The following ANXA8 variants were observed in gnomAD, a reference collection of about 807,000 sequenced individuals.
ANXA8 encodes the protein VAC-beta.
ANXA8 carries 9 observed loss-of-function variants against 26.8 expected under a neutral mutation model. The ratio of observed to expected loss-of-function variants is 0.34; its 90% CI spans 0.20 to 0.59. The LOEUF (loss-of-function observed/expected upper bound fraction) is 0.59, where lower values mean the gene tolerates loss of function less well. ANXA8 is among the 20% of genes least tolerant of loss of function. The probability of loss-of-function intolerance (pLI) is 0.84; values close to 1 mark genes in which losing one functional copy is unlikely to be tolerated. For synonymous variants in ANXA8, 39 were observed against 94.8 expected (o/e 0.41, Z 3.42); for missense variants, 83 against 238.5 (o/e 0.35, Z 4.29).
chr10:47,659,402 G>T, the ANXA8 span, among the ~76,000 whole-genome samples: 314 of 151,736 alleles, frequency 2.1e-3, 3 homozygotes, highest in African/African-American at 7.3e-3. Flanking sequence ...GTTTTAGGCC[G>T]GGCGCGGTGG....
chr10:47,671,503 A>T, the ANXA8 span, among the ~76,000 whole-genome samples: 1 of 152,140 alleles, frequency 6.6e-6, no homozygotes, highest in South Asian at 2.1e-4. Context: ...CCTATCTAAT[A>T]TTTGAGATAA....
chr10:47,504,999 GGCACCT>G, the ANXA8 span, among the ~76,000 whole-genome samples: 1 of 143,180 alleles, frequency 7.0e-6, no homozygotes, highest in Non-Finnish European at 1.5e-5. Flanking sequence ...AGGGATTACA[GGCACCT>G]GCCACCACTC....
the ANXA8 span, among the ~76,000 whole-genome samples, chr10:47,639,733 AT>A: frequency 8.1e-4 from 117 of 144,890 alleles, no homozygotes; most frequent in African/African-American, 2.6e-3. Context: ...ATTCAATGGT[AT>A]TTTTTTTATT....
intron 4 of ANXA8, 115 bp from the exon 5 acceptor site, chr10:47,476,437 C>T: frequency 1.0e-6 from 1 of 980,588 alleles, no homozygotes; most frequent in Non-Finnish European, 1.4e-6. Context: ...CCCTGCCCCA[C>T]TTGAAGTGGG....
At chr10:47,632,837 CA>C in the ANXA8 span, among the ~76,000 whole-genome samples, 4 of 140,434 alleles carry the variant, frequency 2.8e-5, no homozygotes, top group Admixed American at 6.9e-5. Context: ...AACAAACAAA[CA>C]AAAGCATTTT....
chr10:47,940,765 T>C, the ANXA8 span, among the ~76,000 whole-genome samples: 1 of 142,870 alleles, frequency 7.0e-6, no homozygotes, highest in Non-Finnish European at 1.5e-5. Flanking sequence ...AGGGAGGAGG[T>C]TGCAGTGAGC....
the ANXA8 span, among the ~76,000 whole-genome samples, chr10:47,623,370 A>T: frequency 8.9e-6 from 1 of 112,546 alleles, no homozygotes; most frequent in Non-Finnish European, 1.9e-5. Flanking sequence ...AGGTTACTTT[A>T]AAAAAATATA....
At chr10:47,714,460 AC>A in the ANXA8 span, among the ~76,000 whole-genome samples, 2 of 108,572 alleles carry the variant, frequency 1.8e-5, no homozygotes, top group African/African-American at 7.0e-5. Context: ...GTGCTAAGAA[AC>A]CCTCTTTTGT....
the ANXA8 span, chr10:47,590,032 C>T: frequency 6.8e-6 from 1 of 146,160 alleles, no homozygotes; most frequent in East Asian, 1.9e-4. Context: ...GAACCCCATT[C>T]CCCCCTGACA....
the ANXA8 span, among the ~76,000 whole-genome samples, chr10:47,779,033 ATCTT>A: frequency 6.6e-6 from 1 of 151,460 alleles, no homozygotes; most frequent in Non-Finnish European, 1.5e-5. Context: ...TACTTTAAAA[ATCTT>A]TCAAGATATA....
the ANXA8 span, among the ~76,000 whole-genome samples, chr10:47,742,990 TAAAAAAAA>T: frequency 2.2e-5 from 2 of 91,524 alleles, no homozygotes; most frequent in African/African-American, 8.1e-5. Context: ...CCGTCTCTAC[TAAAAAAAA>T]AAAAAAAAAA....
chr10:47,584,479 TG>T, the ANXA8 span, among the ~76,000 whole-genome samples: 1 of 126,904 alleles, frequency 7.9e-6, no homozygotes, highest in Non-Finnish European at 1.6e-5. Context: ...CAACTGCTTT[TG>T]TGAGGCCCAG....
chr10:47,737,587 G>A, the ANXA8 span, among the ~76,000 whole-genome samples: 1 of 151,852 alleles, frequency 6.6e-6, no homozygotes, highest in Non-Finnish European at 1.5e-5. Flanking sequence ...GATAGGAAAA[G>A]TACCCCCATA....
the ANXA8 span, among the ~76,000 whole-genome samples, chr10:47,682,741 A>T: frequency 6.6e-6 from 1 of 152,004 alleles, no homozygotes; most frequent in Non-Finnish European, 1.5e-5. Context: ...AAGTGCTGGG[A>T]TTACAGGCAT....
chr10:47,660,920 C>G, the ANXA8 span, among the ~76,000 whole-genome samples: 3 of 151,584 alleles, frequency 2.0e-5, no homozygotes. Flanking sequence ...AGTTTTTCAT[C>G]TTTTGCTGAT....
the ANXA8 span, among the ~76,000 whole-genome samples, chr10:47,957,268 T>A: frequency 6.6e-6 from 1 of 150,612 alleles, no homozygotes; most frequent in African/African-American, 2.5e-5. Context: ...ACGTCAGTTG[T>A]GTCTCTGAGG....
chr10:47,645,944 C>T, the ANXA8 span, among the ~76,000 whole-genome samples: 1 of 148,948 alleles, frequency 6.7e-6, no homozygotes, highest in African/African-American at 2.6e-5. Context: ...ACTAACTTTC[C>T]TGGGCCTCCA....
At chr10:47,528,085 T>G in the ANXA8 span, among the ~76,000 whole-genome samples, 1 of 138,322 alleles carries the variant, frequency 7.2e-6, no homozygotes, top group Non-Finnish European at 1.6e-5. Flanking sequence ...ACAGAATGTT[T>G]TTTTTTTTTT....
chr10:47,762,154 C>T, the ANXA8 span, among the ~76,000 whole-genome samples: 1 of 149,900 alleles, frequency 6.7e-6, no homozygotes, highest in African/African-American at 2.5e-5. Context: ...AACACCCGCT[C>T]CCTCCCCTAG....
Sources: allele counts gnomAD v4.1 joint callset (sites outside exome capture counted in the v4.1 genomes callset), GRCh38; gene constraint gnomAD v4.1.1; transcripts MANE v1.5; gene names NCBI Gene and HGNC (gene_info 2026-07-23, HGNC 2026-07-21).